FIGNL2: variants seen among roughly 807,000 people sequenced by gnomAD.
The protein encoded by FIGNL2 is fidgetin like 2.
For missense variants in FIGNL2, 1,060 were observed against 950.2 expected (o/e 1.12, Z -1.52); for synonymous variants, 565 against 484.0 (o/e 1.17, Z -2.20).
In FIGNL2 at chr12:51,820,858, TC is replaced by T; in HGVS notation, c.1555del (p.Asp519ThrfsTer171). On this transcript the variant is annotated frameshift_variant, in exon 2 of 2. Transcript: ENST00000618634. LOFTEE classifies it low-confidence loss of function (END_TRUNC). Reference protein sequence around the residue: ...ALQVPLLACLDGGCGAGADGV... With the variant: ...ALQVPLLACLXGGCGAGADGV... Reference sequence around the variant, plus strand: ...GTCAGCCCCCGCGCCGCAGCCCCCGTCCAGGCAGGCCAGGAGCGGCACCTGC... The same window carrying T: ...GTCAGCCCCCGCGCCGCAGCCCCCGTCAGGCAGGCCAGGAGCGGCACCTGC... 6.9e-7 allele frequency: 1 copy of T among 1,447,866 alleles called. No homozygotes were observed. The highest frequency in any genetic ancestry group is 9.0e-7 in the Non-Finnish European group (1 of 1,107,028). The allele number at this position is 1,447,866 out of a possible 1,614,324, so 89.7% of individuals were successfully genotyped here.
At chr12:51,830,643 C>A (rs1157681242) in intron 1 of FIGNL2, among the ~76,000 whole-genome samples, 3 of 149,528 alleles carry the variant, frequency 2.0e-5, no homozygotes, top group Non-Finnish European at 4.5e-5. Flanking sequence ...AGGCGCCCAC[C>A]ACTACACCCA....
At chr12:51,847,004 C>T in intron 1 of FIGNL2, 1 of 984,978 alleles carries the variant, frequency 1.0e-6, no homozygotes, top group Non-Finnish European at 1.2e-6. Context: ...CTTTCCTCGC[C>T]CACCCCAGGA....
At chr12:51,830,881 A>AAGCGATCCCCCCACCTCAGCCTCCTT (rs1592190746) in intron 1 of FIGNL2, among the ~76,000 whole-genome samples, 3 of 152,188 alleles carry the variant, frequency 2.0e-5, no homozygotes, top group East Asian at 3.8e-4. Context: ...TCCCAGGTTC[A>AAGCGATCCCCCCACCTCAGCCTCCTT]AGCGATCCCC....
intron 1 of FIGNL2, chr12:51,847,714 G>A: frequency 1.0e-6 from 1 of 985,436 alleles, no homozygotes; most frequent in Non-Finnish European, 1.2e-6. Context: ...ACCAGCATTT[G>A]CTGATCACCT....
Position 51,848,580 on chromosome 12 carries a change from T to G in FIGNL2, c.-52A>C. ...GGGTCCTAGGTGAGTGTGCGCGGCC[T>G]GGGGGCGCGTCCGGCCCGGGGACCG... On this transcript the variant is annotated 5_prime_UTR_variant, in exon 1 of 2. Coordinates refer to ENST00000618634, the MANE Select transcript of FIGNL2 (RefSeq NM_001384995.1). 1 of 978,850 alleles carries G rather than the reference T, an allele frequency of 1.0e-6. No homozygotes were observed. Among genetic ancestry groups the G allele is most frequent in the Non-Finnish European group, 1.2e-6 (1 of 825,156 alleles). 60.6% of individuals were successfully genotyped at this position (978,850 alleles called of 1,614,324 possible).
intron 1 of FIGNL2, chr12:51,845,720 A>G: frequency 1.0e-6 from 1 of 969,666 alleles, no homozygotes; most frequent in Non-Finnish European, 1.2e-6. Context: ...GACCGACGGC[A>G]GGGGGAGGGG....
Position 51,821,911 on chromosome 12 carries a change from G to C in FIGNL2, c.503C>G (p.Ala168Gly). Residue 168 changes from alanine (A) to glycine (G), a missense_variant, in exon 2 of 2, where the codon GCG (alanine) becomes GGG (glycine). Coordinates refer to ENST00000618634, the MANE Select transcript of FIGNL2 (RefSeq NM_001384995.1). ...YAAGYGGGYLAPGYCAQTGAA... is the reference protein window; with the variant it reads ...YAAGYGGGYLGPGYCAQTGAA... ...GCCCGTCTGCGCGCAGTAACCCGGC[G>C]CCAGGTACCCCCCGCCGTAGCCGGC... 1 of 1,474,572 alleles carries C rather than the reference G, an allele frequency of 6.8e-7. No homozygotes were observed. The highest frequency in any genetic ancestry group is 8.9e-7 in the Non-Finnish European group (1 of 1,117,426). The allele number at this position is 1,474,572 out of a possible 1,614,324, so 91.3% of individuals were successfully genotyped here. A position where few individuals can be genotyped will look rare whatever the true frequency, so the allele number is the denominator to read the frequency against.
At chr12:51,843,644 T>G (rs1226661464) in intron 1 of FIGNL2, among the ~76,000 whole-genome samples, 2 of 152,094 alleles carry the variant, frequency 1.3e-5, no homozygotes, top group Non-Finnish European at 2.9e-5. Context: ...GGCCTGAGTC[T>G]GCCCTGGCAG....
At chr12:51,833,863 T>C (rs1339558408) in intron 1 of FIGNL2, among the ~76,000 whole-genome samples, 1 of 152,150 alleles carries the variant, frequency 6.6e-6, no homozygotes, top group African/African-American at 2.4e-5. Flanking sequence ...GCAGGGACTT[T>C]GTTTTGTTCA....
chr12:51,831,128 T>C (rs1441626708), intron 1 of FIGNL2, among the ~76,000 whole-genome samples: 1 of 152,084 alleles, frequency 6.6e-6, no homozygotes, highest in Admixed American at 6.6e-5. Flanking sequence ...CAGAGACAAC[T>C]GTTGATTTTT....
chr12:51,847,231 A>G (rs1168941861), intron 1 of FIGNL2: 1 of 984,686 alleles, frequency 1.0e-6, no homozygotes, highest in Non-Finnish European at 1.2e-6. Context: ...AGGGTCTGGG[A>G]CTCCCTCTGC....
At position 51,820,891 on chromosome 12, in the gene FIGNL2, C is replaced by T; in HGVS notation, c.1523G>A (p.Gly508Asp). The T allele has an allele frequency of 3.0e-6, 4 of 1,344,316 alleles. No individual in the cohort carries two copies. Among genetic ancestry groups the T allele is most frequent in the Non-Finnish European group, 3.8e-6 (4 of 1,056,284 alleles). 83.3% of individuals were successfully genotyped at this position (1,344,316 alleles called of 1,614,324 possible). A position where few individuals can be genotyped will look rare whatever the true frequency, so the allele number is the denominator to read the frequency against. Reference protein sequence around the residue: ...PARDDGAAAGGALQVPLLACL... With the variant: ...PARDDGAAAGDALQVPLLACL... ...GGCCAGGAGCGGCACCTGCAGCGCG[C>T]CCCCTGCCGCCGCGCCGTCGTCCCG... Residue 508 changes from glycine to aspartate, a missense_variant, in exon 2 of 2, where the codon GGC (glycine) becomes GAC (aspartate). Physicochemically the swap from Gly to Asp is moderately conservative, Grantham distance 94 (BLOSUM62 -1). Transcript: ENST00000618634.
rs773270452 is a variant in FIGNL2 at position 51,822,364 on chromosome 12, T to G, written c.50A>C (p.Gln17Pro). 85 of 1,613,594 alleles carry G rather than the reference T, an allele frequency of 5.3e-5. No individual in the cohort carries two copies. The highest frequency in any genetic ancestry group is 1.7e-6 in the Non-Finnish European group (2 of 1,179,816). The change falls in exon 2 of 2, where the codon CAG (glutamine) becomes CCG (proline). Residue 17 changes from glutamine to proline, a missense_variant. By Grantham distance (76) the Gln-to-Pro change is moderately conservative. Transcript: ENST00000618634. ...HAQPLNQWPE[Q>P]HLDVSSTTPS... ...GGTGGTGGAGGAGACGTCCAGGTGC[T>G]GCTCTGGCCACTGGTTGAGGGGCTG...
In FIGNL2 at chr12:51,820,949, G is replaced by C; in HGVS notation, c.1465C>G (p.Leu489Val). 7.9e-7 allele frequency: 1 copy of C among 1,268,908 alleles called. No homozygotes were observed. Among genetic ancestry groups the C allele is most frequent in the East Asian group, 3.3e-5 (1 of 30,200 alleles). 78.6% of individuals were successfully genotyped at this position (1,268,908 alleles called of 1,614,324 possible). ...AARCRPPSVL[L>V]ISELEALLPA... ...AGCAGCGCCTCTAGCTCGCTGATGA[G>C]GAGTACGGAGGGTGGGCGGCAGCGC... Residue 489 changes from leucine to valine, a missense_variant, in exon 2 of 2, where the codon CTC (leucine) becomes GTC (valine). Coordinates refer to ENST00000618634, the MANE Select transcript of FIGNL2 (RefSeq NM_001384995.1).
chr12:51,821,578 C>G lies in FIGNL2; in HGVS notation c.836G>C (p.Arg279Pro). 3.3e-6 allele frequency: 5 copies of G among 1,525,924 alleles called. No homozygotes were observed. Among genetic ancestry groups the G allele is most frequent in the Non-Finnish European group, 4.4e-6 (5 of 1,143,884 alleles). The allele number at this position is 1,525,924 out of a possible 1,614,324, so 94.5% of individuals were successfully genotyped here. The change falls in exon 2 of 2, where the codon CGC becomes CCC. Residue 279 changes from arginine to proline, a missense_variant. By Grantham distance (103) the Arg-to-Pro change is moderately radical. Transcript: ENST00000618634. Reference protein sequence around the residue: ...AADEGPEGRYRKYAYEPAKAP... With the variant: ...AADEGPEGRYPKYAYEPAKAP... ...CTTGGCGGGCTCGTACGCGTACTTG[C>G]GGTAGCGGCCCTCGGGCCCCTCGTC... is the stretch of plus-strand genomic sequence containing the variant.
intron 1 of FIGNL2, among the ~76,000 whole-genome samples, chr12:51,825,125 A>G (rs537588962): frequency 6.7e-6 from 1 of 149,036 alleles, no homozygotes; most frequent in Admixed American, 6.6e-5. Context: ...TTTTTTTTCT[A>G]TTTACTATTC....
At chr12:51,839,789 C>T (rs1282938557) in intron 1 of FIGNL2, among the ~76,000 whole-genome samples, 1 of 152,192 alleles carries the variant, frequency 6.6e-6, no homozygotes, top group Non-Finnish European at 1.5e-5. Flanking sequence ...CCCTCCGCTG[C>T]TCAGCCAGCC....
At chr12:51,836,948 C>A (rs1033804708) in intron 1 of FIGNL2, among the ~76,000 whole-genome samples, 2 of 152,156 alleles carry the variant, frequency 1.3e-5, no homozygotes, top group African/African-American at 4.8e-5. Flanking sequence ...AGAAACCCCC[C>A]TCCTGTGGTC....
rs1021987434 is a variant in FIGNL2 at position 51,821,495 on chromosome 12, T to C, written c.919A>G (p.Asn307Asp). ...PAADNGECRGNGFRAKPPGAA... is the reference protein window; with the variant it reads ...PAADNGECRGDGFRAKPPGAA... ...CCTGGCGGCTTGGCCCGGAACCCGT[T>C]GCCCCGACATTCGCCGTTGTCCGCG... Residue 307 changes from asparagine to aspartate, a missense_variant, in exon 2 of 2, where the codon AAC (asparagine) becomes GAC (aspartate). Coordinates refer to ENST00000618634, the MANE Select transcript of FIGNL2 (RefSeq NM_001384995.1). 6.4e-7 allele frequency: 1 copy of C among 1,557,058 alleles called. No individual in the cohort carries two copies.
Sources: gnomAD v4.1 joint callset for allele counts (sites outside exome capture counted in the v4.1 genomes callset) on GRCh38, gnomAD v4.1.1 for gene constraint, MANE v1.5 for transcripts, NCBI Gene and HGNC (gene_info 2026-07-23, HGNC 2026-07-21) for gene names.